The following DIRAS2 variants were observed in gnomAD, a reference collection of about 807,000 sequenced individuals.
DIRAS2 encodes the protein GTP-binding protein Di-Ras2.
Under a neutral mutation model 13.9 loss-of-function variants are expected in DIRAS2, and 5 were observed. The ratio of observed to expected loss-of-function variants is 0.36; its 90% CI spans 0.19 to 0.76. DIRAS2 has a LOEUF of 0.76. DIRAS2 is among the 30% of genes least tolerant of loss of function. The pLI is 0.53. For synonymous variants in DIRAS2, 111 were observed against 105.4 expected, an observed-to-expected ratio of 1.05 and a Z score of -0.33; for missense variants, 191 against 263.0, an observed-to-expected ratio of 0.73 and a Z score of 1.89.
At chr9:90,614,465 G>A (rs187512030) in intron 1 of DIRAS2, among the ~76,000 whole-genome samples, 2 of 152,074 alleles carry the variant, frequency 1.3e-5, no homozygotes, top group East Asian at 1.9e-4. Flanking sequence ...GGTGCCATTA[G>A]CTCTGTTGTA....
chr9:90,613,530 TG>T lies in DIRAS2; in HGVS notation c.297del (p.Ile100SerfsTer59). The T allele has an allele frequency of 6.2e-7, 1 of 1,614,122 alleles. No individual in the cohort carries two copies. The highest frequency in any genetic ancestry group is 8.5e-7 in the Non-Finnish European group (1 of 1,180,024). On this transcript the variant is annotated frameshift_variant, in exon 2 of 2. Coordinates refer to ENST00000375765, the MANE Select transcript of DIRAS2 (RefSeq NM_017594.5). LOFTEE classifies it high-confidence loss of function. This position sits in a 1 kb window ranked among gnomAD's most constrained non-coding sequence, Gnocchi z 5.6. ...TTGATCTCGCAGATTTGTTCGTAGA[TG>T]GGCTTGAGCTCCTCCAAGGACTGTC... is the stretch of plus-strand genomic sequence containing the variant. ...TSRQSLEELK[P>X]IYEQICEIKG...
Position 90,613,089 on chromosome 9 carries a change from A to T in DIRAS2, c.*139T>A. The stretch of plus-strand genomic sequence containing the variant: ...TGTTGGTGGTGTGAAACGCCCTCTT[A>T]AGGACAATAGGACGCATCTCGATTA... On this transcript the variant is annotated 3_prime_UTR_variant, in exon 2 of 2. Coordinates refer to ENST00000375765, the MANE Select transcript of DIRAS2 (RefSeq NM_017594.5). This position sits in a 1 kb window ranked among gnomAD's most constrained non-coding sequence, Gnocchi z 5.6. 1 of 1,280,862 alleles carries T rather than the reference A, an allele frequency of 7.8e-7. No homozygotes were observed. Among genetic ancestry groups the T allele is most frequent in the Non-Finnish European group, 1.1e-6 (1 of 935,600 alleles). 79.3% of individuals were successfully genotyped at this position (1,280,862 alleles called of 1,614,324 possible).
intron 1 of DIRAS2, among the ~76,000 whole-genome samples, chr9:90,630,854 T>C (rs759821472): frequency 6.6e-6 from 1 of 152,184 alleles, no homozygotes; most frequent in Non-Finnish European, 1.5e-5. Flanking sequence ...AATCATCCTA[T>C]AGAGACAGCG....
At chr9:90,614,306 A>ATG (rs34548591) in intron 1 of DIRAS2, among the ~76,000 whole-genome samples, 20,021 of 134,742 alleles carry the variant, frequency 0.15, 1,442 homozygotes, top group South Asian at 0.16. Flanking sequence ...GGTCATCATA[A>ATG]TGTGTGTGTG....
chr9:90,636,666 T>C (rs994137778), intron 1 of DIRAS2, among the ~76,000 whole-genome samples: 3 of 152,108 alleles, frequency 2.0e-5, no homozygotes, highest in African/African-American at 4.8e-5. Context: ...ATGATTTGAG[T>C]GGTCATTGCT....
At chr9:90,615,111 G>A (rs1825156986) in intron 1 of DIRAS2, among the ~76,000 whole-genome samples, 1 of 152,118 alleles carries the variant, frequency 6.6e-6, no homozygotes, top group African/African-American at 2.4e-5. Flanking sequence ...GGCAACTTTG[G>A]AAAAACAATA....
At chr9:90,624,693 C>T (rs1364822430) in intron 1 of DIRAS2, among the ~76,000 whole-genome samples, 1 of 151,854 alleles carries the variant, frequency 6.6e-6, no homozygotes, top group Non-Finnish European at 1.5e-5. Flanking sequence ...TTCCAAAGAG[C>T]CAAATAAAAC....
intron 1 of DIRAS2, among the ~76,000 whole-genome samples, chr9:90,637,299 G>A (rs1301832978): frequency 1.3e-5 from 2 of 152,178 alleles, no homozygotes; most frequent in African/African-American, 4.8e-5. Context: ...TCTGCTGAGG[G>A]ATAAGCTATC....
chr9:90,619,080 A>T (rs755498482), intron 1 of DIRAS2, among the ~76,000 whole-genome samples: 3 of 152,198 alleles, frequency 2.0e-5, no homozygotes, highest in Non-Finnish European at 2.9e-5. Flanking sequence ...CAGAGGTTGC[A>T]GTGAGCCAAG....
At chr9:90,614,016 C>A (rs1825142367) in intron 1 of DIRAS2, among the ~76,000 whole-genome samples, 153 bp from the exon 2 acceptor site, 1 of 152,060 alleles carries the variant, frequency 6.6e-6, no homozygotes, top group Non-Finnish European at 1.5e-5. Context: ...GGTCAATCCG[C>A]CGTTTTCAAA....
Position 90,613,356 on chromosome 9 carries a change from C to T in DIRAS2, c.472G>A (p.Val158Met). Residue 158 changes from valine (V) to methionine (M), a missense_variant, in exon 2 of 2, where the codon GTG becomes ATG. Transcript: ENST00000375765. This position sits in a 1 kb window ranked among gnomAD's most constrained non-coding sequence, Gnocchi z 5.6. The part of the protein sequence containing the change: ...METSAKLNHN[V>M]KELFQELLNL... ...AGCAGCTCCTGGAAAAGCTCCTTCACGTTATGGTTGAGCTTGGCTGAGGTC... is the reference window on the plus strand; with the variant it reads ...AGCAGCTCCTGGAAAAGCTCCTTCATGTTATGGTTGAGCTTGGCTGAGGTC... 6.2e-7 allele frequency: 1 copy of T among 1,614,078 alleles called. No homozygotes were observed. The highest frequency in any genetic ancestry group is 8.5e-7 in the Non-Finnish European group (1 of 1,180,026).
chr9:90,618,650 G>T (rs1303153150), intron 1 of DIRAS2, among the ~76,000 whole-genome samples: 6 of 152,104 alleles, frequency 3.9e-5, no homozygotes, highest in African/African-American at 1.4e-4. Context: ...TATCTGATAA[G>T]GGACTAGTTC....
At chr9:90,621,986 C>A (rs1279041941) in intron 1 of DIRAS2, among the ~76,000 whole-genome samples, 4 of 152,322 alleles carry the variant, frequency 2.6e-5, no homozygotes, top group African/African-American at 7.2e-5. Context: ...GGTGCAGTGG[C>A]TCATGCCTAT....
At chr9:90,627,600 G>A (rs976143546) in intron 1 of DIRAS2, among the ~76,000 whole-genome samples, 7 of 152,134 alleles carry the variant, frequency 4.6e-5, no homozygotes, top group African/African-American at 7.2e-5. Context: ...AGAGATGGAT[G>A]GTGGTGATGG....
chr9:90,613,963 T>C lies in DIRAS2; in HGVS notation c.-36-100A>G. ...CTTTTGATAGCTTAAAAATGGGAGG[T>C]GATAACATTTAAAATAGCGACAATT... On this transcript the variant is annotated intron_variant, in intron 1 of 1. Coordinates refer to ENST00000375765, the MANE Select transcript of DIRAS2 (RefSeq NM_017594.5). The surrounding 1 kb of genome is among the most constrained non-coding windows in gnomAD (Gnocchi z 5.6). The C allele has an allele frequency of 8.6e-7, 1 of 1,164,528 alleles. No individual in the cohort carries two copies. Among genetic ancestry groups the C allele is most frequent in the Non-Finnish European group, 1.2e-6 (1 of 847,700 alleles). The allele number at this position is 1,164,528 out of a possible 1,614,324, so 72.1% of individuals were successfully genotyped here. A position where few individuals can be genotyped will look rare whatever the true frequency, so the allele number is the denominator to read the frequency against.
At chr9:90,615,862 G>T (rs916925729) in intron 1 of DIRAS2, among the ~76,000 whole-genome samples, 16 of 152,182 alleles carry the variant, frequency 1.1e-4, no homozygotes, top group African/African-American at 3.9e-4. Context: ...CACATTTGAG[G>T]ATTACATTTC....
intron 1 of DIRAS2, among the ~76,000 whole-genome samples, chr9:90,633,516 T>C (rs746162853): frequency 2.6e-4 from 39 of 152,198 alleles, no homozygotes; most frequent in Admixed American, 6.5e-5. Flanking sequence ...GGTGGATACA[T>C]GTCCAGGGCT....
chr9:90,620,333 GACCTCA>G (rs1825208512), intron 1 of DIRAS2, among the ~76,000 whole-genome samples: 1 of 152,178 alleles, frequency 6.6e-6, no homozygotes, highest in Non-Finnish European at 1.5e-5. Context: ...AAAGGTAACA[GACCTCA>G]GCTTTATTCC....
At chr9:90,620,040 C>G (rs1430977487) in intron 1 of DIRAS2, among the ~76,000 whole-genome samples, 1 of 151,578 alleles carries the variant, frequency 6.6e-6, no homozygotes, top group African/African-American at 2.4e-5. Context: ...GGGGTAGGGA[C>G]TGGGGGGAAA....
Sources: allele counts gnomAD v4.1 joint callset (sites outside exome capture counted in the v4.1 genomes callset), GRCh38; gene constraint gnomAD v4.1.1; non-coding constraint Gnocchi (gnomAD v3.1); transcripts MANE v1.5; gene names NCBI Gene and HGNC (gene_info 2026-07-23, HGNC 2026-07-21).